The following SETDB1 variants were observed in gnomAD, a reference collection of about 807,000 sequenced individuals.
The protein encoded by SETDB1 is SET domain bifurcated histone lysine methyltransferase 1, also known as histone-lysine N-methyltransferase SETDB1.
A neutral mutation model predicts 137.4 loss-of-function variants in SETDB1; 31 were observed. The observed-to-expected ratio is 0.23, with a 90% confidence interval of 0.17 to 0.30. The LOEUF is 0.30. Among genes scored for constraint, SETDB1 ranks in the 10% least tolerant of loss-of-function variants. The pLI, the probability that SETDB1 is intolerant of heterozygous loss-of-function variation, is 1.00. For synonymous variants in SETDB1, 548 were observed against 579.9 expected, an observed-to-expected ratio of 0.95 and a Z score of 0.79; for missense variants, 1,113 against 1,631.5, an observed-to-expected ratio of 0.68 and a Z score of 5.47.
chr1:150,928,044 G>A (rs773299770), intron 2 of SETDB1, 70 bp downstream of exon 2: 94 of 1,504,990 alleles, frequency 6.2e-5, no homozygotes, highest in Non-Finnish European at 8.5e-5. Flanking sequence ...AATTGTTCAT[G>A]ACATTGAACC....
intron 12 of SETDB1, among the ~76,000 whole-genome samples, chr1:150,949,904 A>G (rs934371365): frequency 2.6e-5 from 4 of 152,224 alleles, no homozygotes; most frequent in African/African-American, 9.6e-5. Context: ...CATAATTCAC[A>G]GGCAAATACA....
rs1670422104 is a variant in SETDB1 at position 150,949,179 on chromosome 1, G to A, written c.1325G>A (p.Gly442Glu). 4 of 1,613,982 alleles carry A rather than the reference G, an allele frequency of 2.5e-6. No homozygotes were observed. Among genetic ancestry groups the A allele is most frequent in the Non-Finnish European group, 3.4e-6 (4 of 1,179,984 alleles). The change falls in exon 11 of 22, where the codon GGA (glycine) becomes GAA (glutamate). Residue 442 changes from glycine (G) to glutamate (E), a missense_variant. Physicochemically the swap from Gly to Glu is moderately conservative, Grantham distance 98 (BLOSUM62 -2). Around this residue, in one of 11 missense-constraint regions of SETDB1, gnomAD observed 192 missense variants for 198.1 expected, o/e 0.97. Transcript: ENST00000692827. ...VQYTQDLTGT[G>E]TQFKPVEPPQ... is the part of the protein sequence containing the mutation. Reference sequence around the variant, plus strand: ...TACACACAGGATCTGACCGGTACTGGAACCCAGTTCAAGCCAGTGGAACCC... The same window carrying A: ...TACACACAGGATCTGACCGGTACTGAAACCCAGTTCAAGCCAGTGGAACCC...
At chr1:150,960,475 T>TA in intron 15 of SETDB1, 88 bp from the exon 16 acceptor site, 26 of 988,268 alleles carry the variant, frequency 2.6e-5, no homozygotes, top group Non-Finnish European at 3.4e-5. Context: ...AGACTCCATC[T>TA]GGAAAAAAAA....
At chr1:150,940,952 C>T (rs1259483192) in intron 4 of SETDB1, among the ~76,000 whole-genome samples, 1 of 151,086 alleles carries the variant, frequency 6.6e-6, no homozygotes, top group East Asian at 1.9e-4. Flanking sequence ...GAACCTAAAT[C>T]ATGCCATTGC....
In SETDB1 at chr1:150,964,009, C is replaced by T; in HGVS notation, c.3687C>T (p.Pro1229=). The part of the protein sequence containing the change: ...LGRYLNHSCS[P]NLFVQNVFVD... ...TAAACCTACAGCACAGTTGCAGCCC[C>T]AACCTGTTTGTCCAGAATGTCTTCG... The change falls in exon 21 of 22, where the codon CCC becomes CCT. Residue 1229 remains proline (P), a synonymous_variant. Transcript: ENST00000692827. 1 of 1,614,134 alleles carries T rather than the reference C, an allele frequency of 6.2e-7. No homozygotes were observed. The highest frequency in any genetic ancestry group is 1.1e-5 in the South Asian group (1 of 91,084).
Position 150,957,823 on chromosome 1 carries a change from C to T in SETDB1, c.2334-1355C>T, listed in dbSNP as rs1670690959. 2.6e-5 allele frequency among the ~76,000 whole-genome samples: 4 copies of T among 152,272 alleles called. No homozygotes were observed. In the South Asian group the frequency reaches 8.3e-4, roughly 32 times the overall value. ...AGCTCAAGTGATCTTCTCACCTCAG[C>T]ATCCTCAGTAGCTGGGATTACAGGC... On this transcript the variant is annotated intron_variant, in intron 14 of 21. Transcript: ENST00000692827.
intron 4 of SETDB1, among the ~76,000 whole-genome samples, chr1:150,940,209 T>C (rs373326075): frequency 6.6e-6 from 1 of 152,088 alleles, no homozygotes; most frequent in East Asian, 1.9e-4. Flanking sequence ...GTTTGCTAGG[T>C]AAATTAATCA....
chr1:150,951,470 T>A lies in SETDB1; in HGVS notation c.2322T>A (p.Cys774Ter). The A allele has an allele frequency of 6.3e-7, 1 of 1,589,152 alleles. No homozygotes were observed. The highest frequency in any genetic ancestry group is 8.6e-7 in the Non-Finnish European group (1 of 1,157,256). The change falls in exon 14 of 22, where the codon TGT (cysteine) becomes TGA (stop). Residue 774 changes from cysteine (C) to a stop codon, truncating the protein, a stop_gained. Coordinates refer to ENST00000692827, the MANE Select transcript of SETDB1 (RefSeq NM_001366418.1). LOFTEE classifies it high-confidence loss of function. ...ACCAGTACAAGAGACTAGAAGAGTG[T>A]CTACCCACAGGGTAAGTGGTCAAGG... ...SGYQYKRLEE[C>*]LPTGVYECNK...
In SETDB1 at chr1:150,962,722, A is replaced by G. The variant is rs1331822235; in HGVS notation, c.3294+3A>G. ...CTTCTGCTCAGTCCAACCCTGATGT[A>G]AGTCACCTCAAGCTTATTCAGAGTC... On this transcript the variant is annotated splice_donor_region_variant and intron_variant, in intron 18 of 21. Coordinates refer to ENST00000692827, the MANE Select transcript of SETDB1 (RefSeq NM_001366418.1). The G allele has an allele frequency of 6.2e-7, 1 of 1,613,728 alleles. No homozygotes were observed. Among genetic ancestry groups the G allele is most frequent in the Non-Finnish European group, 8.5e-7 (1 of 1,179,816 alleles).
At chr1:150,937,823 T>C (rs763612179) in intron 3 of SETDB1, among the ~76,000 whole-genome samples, 10 of 152,192 alleles carry the variant, frequency 6.6e-5, no homozygotes, top group Non-Finnish European at 1.2e-4. Flanking sequence ...TTATTCATAA[T>C]AGGCAAAAGT....
intron 1 of SETDB1, 57 bp from the exon 2 acceptor site, chr1:150,927,647 T>G (rs909933979): frequency 2.9e-5 from 43 of 1,491,924 alleles, no homozygotes; most frequent in African/African-American, 5.6e-5. Context: ...TGAAATTCTC[T>G]ATTGATTGAT....
At position 150,951,086 on chromosome 1, in the gene SETDB1, G is replaced by A. The variant is rs1269300889; in HGVS notation, c.2212G>A (p.Asp738Asn). 2 of 1,605,512 alleles carry A rather than the reference G, an allele frequency of 1.2e-6. No individual in the cohort carries two copies. Among genetic ancestry groups the A allele is most frequent in the Admixed American group, 3.4e-5 (2 of 59,352 alleles). ...VGCDCKDGCR[D>N]KSKCACHQLT... ...CTGTGACTGCAAGGATGGGTGTCGGGACAAGTGAGTTGGTGGGGGGAATTG... is the reference window on the plus strand; with the variant it reads ...CTGTGACTGCAAGGATGGGTGTCGGAACAAGTGAGTTGGTGGGGGGAATTG... The change falls in exon 13 of 22, where the codon GAC (aspartate) becomes AAC (asparagine). Residue 738 changes from aspartate to asparagine, a missense_variant. Coordinates refer to ENST00000692827, the MANE Select transcript of SETDB1 (RefSeq NM_001366418.1).
intron 7 of SETDB1, 53 bp from the exon 8 acceptor site, chr1:150,943,867 C>T (rs1295540206): frequency 3.7e-6 from 4 of 1,070,336 alleles, no homozygotes; most frequent in Non-Finnish European, 4.4e-6. Flanking sequence ...TTCTGTGGAT[C>T]ATGTTAAATA....
upstream of SETDB1, chr1:150,926,338 C>T: frequency 5.1e-6 from 1 of 196,944 alleles, no homozygotes; most frequent in Non-Finnish European, 1.0e-5. Flanking sequence ...GTGACCGGAA[C>T]GGCACTAAAG....
chr1:150,933,615 G>A (rs996154036), intron 3 of SETDB1, among the ~76,000 whole-genome samples: 4 of 130,678 alleles, frequency 3.1e-5, no homozygotes, highest in African/African-American at 1.0e-4. Context: ...GACCTTAGGT[G>A]ATCTGTCCAC....
chr1:150,949,329 AC>A, intron 11 of SETDB1, 37 bp from the exon 12 acceptor site: 1 of 1,612,778 alleles, frequency 6.2e-7, no homozygotes, highest in Non-Finnish European at 8.5e-7. Flanking sequence ...TATATTTTCC[AC>A]ATCCCTTACT....
chr1:150,931,630 A>T (rs188863286), intron 3 of SETDB1, among the ~76,000 whole-genome samples: 3 of 118,394 alleles, frequency 2.5e-5, no homozygotes, highest in African/African-American at 3.2e-5. Flanking sequence ...ATTAAAAAAT[A>T]AAAAATAAAA....
intron 3 of SETDB1, among the ~76,000 whole-genome samples, chr1:150,936,235 C>T (rs1017031335): frequency 1.3e-5 from 2 of 152,120 alleles, no homozygotes; most frequent in Non-Finnish European, 2.9e-5. Flanking sequence ...GTAATCTGCC[C>T]GTCTCGGCCT....
Position 150,926,382 on chromosome 1 carries a change from C to A in SETDB1, c.-147C>A, listed in dbSNP as rs1222995660. 3 of 217,302 alleles carry A rather than the reference C, an allele frequency of 1.4e-5. No homozygotes were observed. Among genetic ancestry groups the A allele is most frequent in the African/African-American group, 2.4e-5 (1 of 41,978 alleles). The allele number at this position is 217,302 out of a possible 1,614,324, so 13.5% of individuals were successfully genotyped here. ...CCGGGCGTTTCTTTTGCTTCCCCTT[C>A]CCTCTTTCACGCTTCCTCCCCTCCC... On this transcript the variant is annotated 5_prime_UTR_variant, in exon 1 of 22. Coordinates refer to ENST00000692827, the MANE Select transcript of SETDB1 (RefSeq NM_001366418.1).
Sources: gnomAD v4.1 joint callset for allele counts (sites outside exome capture counted in the v4.1 genomes callset) on GRCh38, gnomAD v4.1.1 for gene constraint, gnomAD v4.1.1 regional missense constraint, MANE v1.5 for transcripts, NCBI Gene and HGNC (gene_info 2026-07-23, HGNC 2026-07-21) for gene names.